The following RAET1L variants were observed in gnomAD, a reference collection of about 807,000 sequenced individuals.
The protein encoded by RAET1L is retinoic acid early transcript 1L.
Under a neutral mutation model 23.9 loss-of-function variants are expected in RAET1L, and 16 were observed. That is an observed-to-expected ratio of 0.67 (90% CI 0.45 to 1.02). The LOEUF is 1.02. RAET1L is among the 50% of genes least tolerant of loss of function. The probability of loss-of-function intolerance (pLI) is 0.00; values close to 1 mark genes in which losing one functional copy is unlikely to be tolerated. For synonymous variants in RAET1L, 70 were observed against 111.2 expected, an observed-to-expected ratio of 0.63 and a Z score of 2.33; for missense variants, 233 against 304.0, an observed-to-expected ratio of 0.77 and a Z score of 1.74.
chr6:150,020,707 T>G (rs1200406658), intron 3 of RAET1L, among the ~76,000 whole-genome samples, 198 bp downstream of exon 3: 5 of 151,698 alleles, frequency 3.3e-5, no homozygotes, highest in Admixed American at 2.0e-4. Flanking sequence ...CAGTGAGGAA[T>G]AGGAGTCAGG....
At chr6:150,024,604 A>G (rs550578195) in intron 1 of RAET1L, among the ~76,000 whole-genome samples, 6 of 151,970 alleles carry the variant, frequency 3.9e-5, no homozygotes, top group Admixed American at 1.3e-4. Context: ...TCTACTCACC[A>G]GAGTTCCCAG....
rs1178287216 is a variant in RAET1L at position 150,021,094 on chromosome 6, A to C, written c.442T>G (p.Phe148Val). 7.4e-6 allele frequency: 12 copies of C among 1,614,046 alleles called. No individual in the cohort carries two copies. Among genetic ancestry groups the C allele is most frequent in the African/African-American group, 1.3e-5 (1 of 74,910 alleles). The change falls in exon 3 of 5, where the codon TTC (phenylalanine) becomes GTC (valine). Residue 148 changes from phenylalanine (F) to valine (V), a missense_variant. Coordinates refer to ENST00000367341, the MANE Select transcript of RAET1L (RefSeq NM_130900.3). ...CTCTTCTCTGAGTCAAAGAGTAGGA[A>C]GGTCTGTCCATCGATACTGAACTGC... is the stretch of plus-strand genomic sequence containing the variant. ...SWQFSIDGQT[F>V]LLFDSEKRMW... is the part of the protein sequence containing the mutation.
chr6:150,020,328 T>C, intron 3 of RAET1L, 89 bp from the exon 4 acceptor site: 2 of 1,581,516 alleles, frequency 1.3e-6, no homozygotes, highest in East Asian at 2.3e-5. Flanking sequence ...TAGGTCATCC[T>C]GGAAGGCAAA....
intron 2 of RAET1L, among the ~76,000 whole-genome samples, 183 bp from the exon 3 acceptor site, chr6:150,021,369 C>G (rs903361146): frequency 3.5e-5 from 5 of 143,716 alleles, no homozygotes; most frequent in Non-Finnish European, 7.6e-5. Context: ...GGGTCTCGCT[C>G]TGTCACCCAG....
At chr6:150,023,180 A>G (rs1779907822) in intron 1 of RAET1L, among the ~76,000 whole-genome samples, 1 of 151,080 alleles carries the variant, frequency 6.6e-6, no homozygotes, top group Admixed American at 6.6e-5. Flanking sequence ...AGAAGTCACA[A>G]TGCCAGCTGG....
intron 3 of RAET1L, among the ~76,000 whole-genome samples, chr6:150,020,475 C>G (rs778241533): frequency 6.6e-6 from 1 of 152,112 alleles, no homozygotes; most frequent in Non-Finnish European, 1.5e-5. Flanking sequence ...ACCCCACCCT[C>G]CTGCTGTGGG....
intron 1 of RAET1L, among the ~76,000 whole-genome samples, chr6:150,024,570 G>A (rs1779925147): frequency 1.3e-5 from 2 of 151,318 alleles, no homozygotes; most frequent in African/African-American, 4.9e-5. Context: ...GGCGGTCTGG[G>A]CCCCAAGGGC....
chr6:150,024,090 C>A (rs1015138169), intron 1 of RAET1L, among the ~76,000 whole-genome samples: 1 of 152,092 alleles, frequency 6.6e-6, no homozygotes, highest in South Asian at 2.1e-4. Flanking sequence ...GTGGCTGCAC[C>A]CACTCACCCT....
At chr6:150,020,051 C>T in intron 4 of RAET1L, 57 bp downstream of exon 4, 1 of 643,520 alleles carries the variant, frequency 1.6e-6, no homozygotes, top group Non-Finnish European at 2.6e-6. Flanking sequence ...TCTCTTTCCC[C>T]ATCCTGCCTC....
At chr6:150,024,879 T>C (rs1582849819) in intron 1 of RAET1L, among the ~76,000 whole-genome samples, 1 of 151,980 alleles carries the variant, frequency 6.6e-6, no homozygotes, top group East Asian at 1.9e-4. Context: ...TGGGTGCAGG[T>C]GAGTGTCTAC....
At chr6:150,024,839 G>T (rs1389830067) in intron 1 of RAET1L, among the ~76,000 whole-genome samples, 1 of 152,152 alleles carries the variant, frequency 6.6e-6, no homozygotes, top group Non-Finnish European at 1.5e-5. Flanking sequence ...GGATGGTGAG[G>T]GGAGGGGTGG....
chr6:150,020,924 G>A lies in RAET1L; in HGVS notation c.612C>T (p.Thr204=). 1 of 1,614,076 alleles carries A rather than the reference G, an allele frequency of 6.2e-7. No homozygotes were observed. Among genetic ancestry groups the A allele is most frequent in the Non-Finnish European group, 8.5e-7 (1 of 1,180,010 alleles). The change falls in exon 3 of 5, where the codon ACC becomes ACT. Residue 204 remains threonine, a synonymous_variant. Transcript: ENST00000367341. ...LEDFLMGMDS[T]LEPSAGAPLA... is the part of the protein sequence containing the mutation. ...TGTTACCTCCTGCACTTGGCTCCAG[G>A]GTGCTGTCCATGCCCATCAAGAAGT...
intron 1 of RAET1L, among the ~76,000 whole-genome samples, chr6:150,023,753 A>G (rs1209177651): frequency 1.3e-5 from 2 of 152,162 alleles, no homozygotes; most frequent in Non-Finnish European, 2.9e-5. Context: ...ATATTCAGAG[A>G]CAAGGCAATG....
rs1257439792 is a variant in RAET1L, at chr6:150,025,078, C to T, written c.85+309G>A. On this transcript the variant is annotated intron_variant, in intron 1 of 4. Transcript: ENST00000367341. ...CCGGGGGGGCTCTGGTTTCTCCTTCCGAAAGGCGGGTGGGACTGCCGGGCT... is the reference window on the plus strand; with the variant it reads ...CCGGGGGGGCTCTGGTTTCTCCTTCTGAAAGGCGGGTGGGACTGCCGGGCT... 2.0e-5 allele frequency among the ~76,000 whole-genome samples: 3 copies of T among 152,120 alleles called. No homozygotes were observed. The East Asian group carries it at 5.8e-4, about 29-fold the overall frequency.
chr6:150,021,990 G>T lies in RAET1L; in HGVS notation c.339C>A (p.Tyr113Ter), dbSNP rs76294770. The change falls in exon 2 of 5, where the codon TAC becomes TAA. Residue 113 changes from tyrosine (Y) to a stop codon, truncating the protein, a stop_gained. Coordinates refer to ENST00000367341, the MANE Select transcript of RAET1L (RefSeq NM_130900.3). LOFTEE classifies it high-confidence loss of function. ...EQLLDIQLEN[Y>*]TPKEPLTLQA... The stretch of plus-strand genomic sequence containing the variant: ...CCATCTGAAACTTACCCTTGGGTGT[G>T]TAATTCTCCAGCTGAATGTCAAGCA... The T allele has an allele frequency of 2.4e-3, 3,808 of 1,597,770 alleles. 131 individuals carry two copies. The African/African-American group carries it at 0.048, about 20-fold the overall frequency.
At chr6:150,024,403 G>A (rs1338413202) in intron 1 of RAET1L, among the ~76,000 whole-genome samples, 5 of 152,178 alleles carry the variant, frequency 3.3e-5, no homozygotes, top group African/African-American at 4.8e-5. Context: ...ATTGCCTGCT[G>A]TTGCTCTACA....
intron 1 of RAET1L, among the ~76,000 whole-genome samples, 162 bp from the exon 2 acceptor site, chr6:150,022,405 C>T (rs200102473): frequency 0.39 from 23,504 of 61,020 alleles, 5,156 homozygotes; most frequent in Middle Eastern, 0.52. Context: ...GGCGAGTGCT[C>T]GCCCCTTGCA....
chr6:150,019,401 A>C (rs1305493396), intron 4 of RAET1L, among the ~76,000 whole-genome samples: 1 of 152,128 alleles, frequency 6.6e-6, no homozygotes, highest in African/African-American at 2.4e-5. Flanking sequence ...CCTTCCTCTG[A>C]GTCCACTCTG....
rs1285244129 is a variant in RAET1L at position 150,021,175 on chromosome 6, G to C, written c.361C>G (p.Leu121Val). The C allele has an allele frequency of 1.2e-6, 2 of 1,612,718 alleles. No homozygotes were observed. The highest frequency in any genetic ancestry group is 1.7e-6 in the Non-Finnish European group (2 of 1,179,158). The change falls in exon 3 of 5, where the codon CTG becomes GTG. Residue 121 changes from leucine to valine, a missense_variant. Leu to Val is a conservative substitution (Grantham distance 32). Around this residue, in one of 4 missense-constraint regions of RAET1L, gnomAD observed 139 missense variants for 125.3 expected, o/e 1.11. Coordinates refer to ENST00000367341, the MANE Select transcript of RAET1L (RefSeq NM_130900.3). The part of the protein sequence containing the change: ...ENYTPKEPLT[L>V]QARMSCEQKA... Reference sequence around the variant, plus strand: ...TGCTCACAAGACATCCTTGCCTGCAGGGTGAGGGGTTCTGCCCCCATCAGA... The same window carrying C: ...TGCTCACAAGACATCCTTGCCTGCACGGTGAGGGGTTCTGCCCCCATCAGA...
Sources: gnomAD v4.1 joint callset for allele counts (sites outside exome capture counted in the v4.1 genomes callset) on GRCh38, gnomAD v4.1.1 for gene constraint, gnomAD v4.1.1 regional missense constraint, MANE v1.5 for transcripts, NCBI Gene and HGNC (gene_info 2026-07-23, HGNC 2026-07-21) for gene names.